The following PRR33 variants were observed in gnomAD, a reference collection of about 807,000 sequenced individuals.
PRR33 encodes proline-rich protein 33.
A neutral mutation model predicts 0.5 loss-of-function variants in PRR33; 1 was observed. The observed-to-expected ratio is 2.18, with a 90% CI of 0.77 to 10.34. The LOEUF (loss-of-function observed/expected upper bound fraction) is 10.34. Ranked by LOEUF, PRR33 falls within the 30% of genes most tolerant of loss-of-function variation. The pLI is 0.13. For synonymous variants in PRR33, 226 were observed against 110.0 expected (o/e 2.06, Z -6.60); for missense variants, 552 against 251.8 (o/e 2.19, Z -8.07).
At chr11:1,913,301 G>GT in the PRR33 span, among the ~76,000 whole-genome samples, 709 of 98,510 alleles carry the variant, frequency 7.2e-3, 3 homozygotes, top group African/African-American at 0.026. Context: ...TAACTTTTTT[G>GT]TTTTTTTTTT....
At chr11:1,889,560 G>A (rs1279970444) in exon 1 of PRR33, 24 of 612,828 alleles carry the variant, frequency 3.9e-5, no homozygotes, top group African/African-American at 2.1e-4. Context: ...CTTGAGCCAC[G>A]TCCAGCCACT....
At chr11:1,909,786 A>AAAGAAG in the PRR33 span, among the ~76,000 whole-genome samples, 1 of 151,832 alleles carries the variant, frequency 6.6e-6, no homozygotes, top group African/African-American at 2.4e-5. Context: ...TCTGAGAAAA[A>AAAGAAG]AAGAAGAAGA....
the PRR33 span, among the ~76,000 whole-genome samples, chr11:1,910,796 T>C: frequency 6.6e-6 from 1 of 152,354 alleles, no homozygotes; most frequent in African/African-American, 2.4e-5. Flanking sequence ...TGTTTATATT[T>C]TGTTCATCCA....
chr11:1,893,508 C>T (rs1233820719), upstream of PRR33, among the ~76,000 whole-genome samples: 1 of 134,340 alleles, frequency 7.4e-6, no homozygotes. Context: ...AGGAGGGATG[C>T]ATGAGTGGAT....
At chr11:1,902,909 G>C in the PRR33 span, among the ~76,000 whole-genome samples, 1 of 152,076 alleles carries the variant, frequency 6.6e-6, no homozygotes, top group African/African-American at 2.4e-5. Context: ...GGCCATACAG[G>C]GTAACTTCCT....
the PRR33 span, among the ~76,000 whole-genome samples, chr11:1,915,139 CTGTGTGTG>C: frequency 7.8e-5 from 10 of 128,596 alleles, no homozygotes; most frequent in African/African-American, 1.8e-4. Flanking sequence ...GATGATGTTT[CTGTGTGTG>C]TGTGTGTGTG....
At chr11:1,911,402 A>AC in the PRR33 span, among the ~76,000 whole-genome samples, 1 of 152,084 alleles carries the variant, frequency 6.6e-6, no homozygotes, top group African/African-American at 2.4e-5. Flanking sequence ...AGATTGTGCC[A>AC]CTGCACCCCA....
exon 1 of PRR33, chr11:1,889,385 C>T (rs1289473786): frequency 2.8e-6 from 2 of 703,936 alleles, no homozygotes; most frequent in Non-Finnish European, 5.3e-6. Flanking sequence ...CGGCATCCCA[C>T]ATCCTGGAGG....
chr11:1,899,093 C>T, the PRR33 span, among the ~76,000 whole-genome samples: 1 of 152,038 alleles, frequency 6.6e-6, no homozygotes, highest in African/African-American at 2.4e-5. Context: ...CAAAATCCTC[C>T]ACAAATAAAA....
the PRR33 span, among the ~76,000 whole-genome samples, chr11:1,900,618 TA>T: frequency 6.6e-6 from 1 of 152,354 alleles, no homozygotes; most frequent in East Asian, 1.9e-4. Flanking sequence ...GGAAATGACG[TA>T]AAATGGTCAT....
the PRR33 span, among the ~76,000 whole-genome samples, chr11:1,912,390 T>G: frequency 6.6e-6 from 1 of 152,236 alleles, no homozygotes; most frequent in South Asian, 2.1e-4. Flanking sequence ...GTCAATTCCA[T>G]GTTCTATTTC....
the PRR33 span, among the ~76,000 whole-genome samples, chr11:1,902,003 C>T: frequency 4.3e-4 from 65 of 152,132 alleles, no homozygotes; most frequent in Middle Eastern, 3.4e-3. Context: ...GAGGCCGAGG[C>T]GGGTGGATCA....
chr11:1,897,588 A>G, the PRR33 span, among the ~76,000 whole-genome samples: 2 of 152,176 alleles, frequency 1.3e-5, no homozygotes, highest in Admixed American at 6.5e-5. The surrounding 1 kb of genome is among the most constrained non-coding windows in gnomAD (Gnocchi z 4.0). Context: ...GTCCAAAACA[A>G]TGGCCTCTTA....
At chr11:1,900,981 G>C in the PRR33 span, among the ~76,000 whole-genome samples, 1 of 152,148 alleles carries the variant, frequency 6.6e-6, no homozygotes, top group Non-Finnish European at 1.5e-5. Flanking sequence ...CTACTCCCAG[G>C]AATAAGCAAG....
chr11:1,903,877 C>T, the PRR33 span, among the ~76,000 whole-genome samples: 81 of 152,296 alleles, frequency 5.3e-4, no homozygotes, highest in Admixed American at 5.2e-4. Context: ...GGAGTGTGCA[C>T]CTCCTGCAGC....
the PRR33 span, among the ~76,000 whole-genome samples, chr11:1,898,929 A>G: frequency 6.6e-6 from 1 of 152,098 alleles, no homozygotes; most frequent in South Asian, 2.1e-4. Context: ...TGAACCTGGG[A>G]GGCAAAGGTT....
In PRR33 at chr11:1,889,430, G is replaced by C. The variant is rs577608842; in HGVS notation, c.1155C>G (p.Pro385=). 1.0e-5 allele frequency: 7 copies of C among 668,200 alleles called. No individual in the cohort carries two copies. In the African/African-American group the frequency reaches 1.3e-4, roughly 12 times the overall value. The allele number at this position is 668,200 out of a possible 1,614,324, so 41.4% of individuals were successfully genotyped here. A position where few individuals can be genotyped will look rare whatever the true frequency, so the allele number is the denominator to read the frequency against. The change falls in exon 1 of 1, where the codon CCC becomes CCG. Residue 385 remains proline, a synonymous_variant. Coordinates refer to ENST00000640310, the Ensembl canonical transcript of PRR33. ...CGGGGGCCCGGGGTGCGGTGAGGGC[G>C]GGCACCTCCTGCTCTGTGGGGGCAG...
the PRR33 span, among the ~76,000 whole-genome samples, chr11:1,913,389 G>T: frequency 6.7e-6 from 1 of 150,146 alleles, no homozygotes; most frequent in Admixed American, 6.7e-5. Flanking sequence ...CTCGTGATCC[G>T]CCCGCCTCAG....
At chr11:1,913,745 T>C in the PRR33 span, among the ~76,000 whole-genome samples, 1 of 152,272 alleles carries the variant, frequency 6.6e-6, no homozygotes, top group African/African-American at 2.4e-5. Context: ...TCCTCTGGTT[T>C]GGAGGCTCTG....
Sources: gnomAD v4.1 joint callset for allele counts (sites outside exome capture counted in the v4.1 genomes callset) on GRCh38, gnomAD v4.1.1 for gene constraint, Gnocchi (gnomAD v3.1) non-coding constraint, MANE v1.5 for transcripts, NCBI Gene and HGNC (gene_info 2026-07-23, HGNC 2026-07-21) for gene names.